The following PRAP1 variants were observed in gnomAD, a reference collection of about 807,000 sequenced individuals.
PRAP1 encodes the protein proline-rich acidic protein 1.
PRAP1 carries 12 observed loss-of-function variants against 14.6 expected under a neutral mutation model. That is an observed-to-expected ratio of 0.82 (90% CI 0.53 to 1.33). The LOEUF is 1.33. Ranked by LOEUF, PRAP1 falls within the 40% of genes most tolerant of loss-of-function variation. The pLI is 0.00. For missense variants in PRAP1, 160 were observed against 193.7 expected, an observed-to-expected ratio of 0.83 and a Z score of 1.03; for synonymous variants, 81 against 80.3, an observed-to-expected ratio of 1.01 and a Z score of -0.04.
chr10:133,347,375 T>C lies in PRAP1; in HGVS notation c.-43T>C. ...GGTGCCAGATACTGGGATCAGCCAC[T>C]GCAGCTCCCTGAGCACTCTCTACAG... On this transcript the variant is annotated 5_prime_UTR_variant, in exon 1 of 5. Coordinates refer to ENST00000433452, the MANE Select transcript of PRAP1 (RefSeq NM_145202.5). The surrounding 1 kb of genome is among the most constrained non-coding windows in gnomAD (Gnocchi z 5.0). 1 of 1,612,394 alleles carries C rather than the reference T, an allele frequency of 6.2e-7. No individual in the cohort carries two copies. The highest frequency in any genetic ancestry group is 1.1e-5 in the South Asian group (1 of 90,800).
intron 1 of PRAP1, among the ~76,000 whole-genome samples, chr10:133,349,275 C>T (rs906094250): frequency 2.6e-5 from 4 of 151,530 alleles, no homozygotes; most frequent in African/African-American, 9.7e-5. Context: ...CACTCCACAC[C>T]ACACACAACA....
chr10:133,351,906 T>C lies in PRAP1; in HGVS notation c.129-101T>C. ...AGGCTTGTCCTGGGGCTGCTGGTGG[T>C]GGGGCTGGAGTGGCTGCCCTGGGAT... is the stretch of plus-strand genomic sequence containing the variant. On this transcript the variant is annotated intron_variant, in intron 3 of 4. Transcript: ENST00000433452. This position sits in a 1 kb window ranked among gnomAD's most constrained non-coding sequence, Gnocchi z 4.3. 1 of 1,455,062 alleles carries C rather than the reference T, an allele frequency of 6.9e-7. No homozygotes were observed. The highest frequency in any genetic ancestry group is 9.2e-7 in the Non-Finnish European group (1 of 1,082,438). The allele number at this position is 1,455,062 out of a possible 1,614,324, so 90.1% of individuals were successfully genotyped here. A position where few individuals can be genotyped will look rare whatever the true frequency, so the allele number is the denominator to read the frequency against.
At position 133,347,405 on chromosome 10, in the gene PRAP1, G is replaced by T; in HGVS notation, c.-13G>T. 1 of 1,613,116 alleles carries T rather than the reference G, an allele frequency of 6.2e-7. No individual in the cohort carries two copies. The highest frequency in any genetic ancestry group is 8.5e-7 in the Non-Finnish European group (1 of 1,179,448). On this transcript the variant is annotated 5_prime_UTR_variant, in exon 1 of 5. Coordinates refer to ENST00000433452, the MANE Select transcript of PRAP1 (RefSeq NM_145202.5). This position sits in a 1 kb window ranked among gnomAD's most constrained non-coding sequence, Gnocchi z 5.0. ...CTCCCTGAGCACTCTCTACAGAGAC[G>T]CGGACCCCAGACATGAGGAGGTAAT...
At chr10:133,350,019 G>A (rs979144769) in intron 1 of PRAP1, 76 bp from the exon 2 acceptor site, 49 of 1,362,068 alleles carry the variant, frequency 3.6e-5, no homozygotes, top group Non-Finnish European at 5.0e-5. Context: ...CCTCCCAGCT[G>A]CCCATCAGGG....
intron 2 of PRAP1, 91 bp downstream of exon 2, chr10:133,350,252 G>A: frequency 8.5e-7 from 1 of 1,179,240 alleles, no homozygotes; most frequent in Non-Finnish European, 1.2e-6. Context: ...CCCCTCTTCT[G>A]GCTTCAAACC....
chr10:133,349,771 G>A (rs1222662416), intron 1 of PRAP1, among the ~76,000 whole-genome samples: 1 of 152,224 alleles, frequency 6.6e-6, no homozygotes, highest in Non-Finnish European at 1.5e-5. Flanking sequence ...GTGGAGGGCG[G>A]CACAGAGGCA....
At position 133,352,040 on chromosome 10, in the gene PRAP1, G is replaced by A; in HGVS notation, c.162G>A (p.Glu54=). Residue 54 remains glutamate (E), a synonymous_variant, in exon 4 of 5, where the codon GAG becomes GAA. Transcript: ENST00000433452. ...GCGCCCGTGTGGTGGAGCCTCCGGA[G>A]AAGGACGACCAGCTGGTGGTGCTGT... ...AWGARVVEPP[E]KDDQLVVLFP... 1 of 1,612,970 alleles carries A rather than the reference G, an allele frequency of 6.2e-7. No homozygotes were observed. Among genetic ancestry groups the A allele is most frequent in the Non-Finnish European group, 8.5e-7 (1 of 1,179,944 alleles).
chr10:133,350,298 T>C, intron 2 of PRAP1, 137 bp downstream of exon 2: 2 of 722,886 alleles, frequency 2.8e-6, no homozygotes. Flanking sequence ...ATGGGTACGC[T>C]CATGACTCTT....
intron 4 of PRAP1, 42 bp from the exon 5 acceptor site, chr10:133,352,205 G>C (rs748501552): frequency 1.9e-6 from 3 of 1,610,626 alleles, no homozygotes; most frequent in South Asian, 1.1e-5. Context: ...CAAGGGTCTC[G>C]GGAAAGAAAC....
At chr10:133,348,254 C>T (rs1294092674) in intron 1 of PRAP1, among the ~76,000 whole-genome samples, 1 of 152,176 alleles carries the variant, frequency 6.6e-6, no homozygotes, top group African/African-American at 2.4e-5. Context: ...AGAGCCCCTG[C>T]CCAGCATCAG....
Position 133,350,160 on chromosome 10 carries a change from A to T in PRAP1, c.74A>T (p.Lys25Met). Residue 25 changes from lysine (K) to methionine (M), a missense_variant and splice_region_variant, in exon 2 of 5, where the codon AAG becomes ATG. Coordinates refer to ENST00000433452, the MANE Select transcript of PRAP1 (RefSeq NM_145202.5). ...GAGGCAGGTGCAGTCCCAGCACCCA[A>T]GGTAGGTGTGAGCCCCTCCCATCTG... is the stretch of plus-strand genomic sequence containing the variant. ...LWEAGAVPAP[K>M]VPIKMQVKHW... 1 of 1,613,106 alleles carries T rather than the reference A, an allele frequency of 6.2e-7. No individual in the cohort carries two copies. Among genetic ancestry groups the T allele is most frequent in the Non-Finnish European group, 8.5e-7 (1 of 1,179,644 alleles).
rs910142027 is a variant in PRAP1 at position 133,347,390 on chromosome 10, A to T, written c.-28A>T. On this transcript the variant is annotated 5_prime_UTR_variant, in exon 1 of 5. Coordinates refer to ENST00000433452, the MANE Select transcript of PRAP1 (RefSeq NM_145202.5). The surrounding 1 kb of genome is among the most constrained non-coding windows in gnomAD (Gnocchi z 5.0). ...GATCAGCCACTGCAGCTCCCTGAGC[A>T]CTCTCTACAGAGACGCGGACCCCAG... 1 of 1,613,324 alleles carries T rather than the reference A, an allele frequency of 6.2e-7. No homozygotes were observed. Among genetic ancestry groups the T allele is most frequent in the African/African-American group, 1.3e-5 (1 of 75,028 alleles).
intron 1 of PRAP1, among the ~76,000 whole-genome samples, chr10:133,349,250 A>G (rs947370633): frequency 6.6e-6 from 1 of 151,228 alleles, no homozygotes; most frequent in Non-Finnish European, 1.5e-5. Context: ...GCACACACAC[A>G]CACCCAAGCC....
intron 2 of PRAP1, chr10:133,350,505 G>A (rs116444807): frequency 1.1e-4 from 28 of 265,056 alleles, no homozygotes; most frequent in Non-Finnish European, 1.7e-4. Flanking sequence ...CACCCACGTG[G>A]TCCCAAGTGG....
chr10:133,349,584 C>T (rs1848644790), intron 1 of PRAP1, among the ~76,000 whole-genome samples: 1 of 152,240 alleles, frequency 6.6e-6, no homozygotes, highest in Non-Finnish European at 1.5e-5. Flanking sequence ...CCTAATAGTG[C>T]TGCCATTCAC....
intron 1 of PRAP1, among the ~76,000 whole-genome samples, chr10:133,348,861 A>G (rs921272238): frequency 5.9e-5 from 9 of 151,604 alleles, no homozygotes; most frequent in Non-Finnish European, 1.0e-4. Flanking sequence ...GAGTTTTGCC[A>G]TGTTGGCCAG....
chr10:133,351,948 CG>C lies in PRAP1; in HGVS notation c.129-53del. Reference sequence around the variant, plus strand: ...CCCTGGGATGGTGGGCACCCTCCTGCGGGGGGTTCTGTCCACCTCCCCCACC... The same window carrying C: ...CCCTGGGATGGTGGGCACCCTCCTGCGGGGGTTCTGTCCACCTCCCCCACC... On this transcript the variant is annotated intron_variant, in intron 3 of 4. Coordinates refer to ENST00000433452, the MANE Select transcript of PRAP1 (RefSeq NM_145202.5). This position sits in a 1 kb window ranked among gnomAD's most constrained non-coding sequence, Gnocchi z 4.3. The C allele has an allele frequency of 1.3e-6, 2 of 1,581,884 alleles. No homozygotes were observed. Among genetic ancestry groups the C allele is most frequent in the Non-Finnish European group, 8.6e-7 (1 of 1,167,050 alleles).
Position 133,352,641 on chromosome 10 carries a change from T to C in PRAP1, c.*201T>C. 1.8e-6 allele frequency: 1 copy of C among 545,388 alleles called. No homozygotes were observed. The highest frequency in any genetic ancestry group is 3.1e-5 in the East Asian group (1 of 32,444). 33.8% of individuals were successfully genotyped at this position (545,388 alleles called of 1,614,324 possible). A position where few individuals can be genotyped will look rare whatever the true frequency, so the allele number is the denominator to read the frequency against. ...GAGTTCCAGACCAGCCTGGGCAACA[T>C]GGTGAAACCCCGTCTCTACTAAAAA... On this transcript the variant is annotated 3_prime_UTR_variant, in exon 5 of 5. Transcript: ENST00000433452.
intron 1 of PRAP1, among the ~76,000 whole-genome samples, chr10:133,349,369 CA>C (rs1166835284): frequency 1.3e-5 from 2 of 151,968 alleles, no homozygotes; most frequent in African/African-American, 4.8e-5. Flanking sequence ...CCGCACCACA[CA>C]CAACATACAC....
Sources: allele counts gnomAD v4.1 joint callset (sites outside exome capture counted in the v4.1 genomes callset), GRCh38; gene constraint gnomAD v4.1.1; non-coding constraint Gnocchi (gnomAD v3.1); transcripts MANE v1.5; gene names NCBI Gene and HGNC (gene_info 2026-07-23, HGNC 2026-07-21).